The following HSF2 variants were observed in gnomAD, a reference collection of about 807,000 sequenced individuals.
HSF2 encodes the protein heat shock factor protein 2.
In HSF2, 21 loss-of-function variants were observed where a neutral mutation model predicts 65.0. The observed-to-expected ratio is 0.32, with a 90% confidence interval of 0.23 to 0.47. HSF2 has a LOEUF of 0.47. HSF2 is among the 20% of genes least tolerant of loss of function. HSF2 has a pLI of 1.00. For synonymous variants in HSF2, 225 were observed against 219.1 expected (o/e 1.03, Z -0.24); for missense variants, 499 against 628.1 (o/e 0.79, Z 2.20).
Position 122,404,697 on chromosome 6 carries a change from A to T in HSF2, c.93+4867A>T, listed in dbSNP as rs928672378. On this transcript the variant is annotated intron_variant, in intron 1 of 12. Transcript: ENST00000368455. ...GGTGCCTATCTTTCCCACCTCACTC[A>T]GTAGTAGTTTTCTCATCCTTGTAAA... Among the ~76,000 whole-genome samples, 7 of 152,210 alleles carry T rather than the reference A, an allele frequency of 4.6e-5. No homozygotes were observed. In the East Asian group the frequency reaches 9.6e-4, roughly 21 times the overall value.
chr6:122,428,060 A>G (rs1309779557), intron 11 of HSF2, 104 bp downstream of exon 11: 1 of 654,450 alleles, frequency 1.5e-6, no homozygotes, highest in East Asian at 2.9e-5. Context: ...AAAGCATTTT[A>G]TATTCTTACC....
At chr6:122,399,977 A>G (rs936372338) in intron 1 of HSF2, 147 bp downstream of exon 1, 1 of 665,576 alleles carries the variant, frequency 1.5e-6, no homozygotes, top group South Asian at 1.7e-5. Context: ...CTCGCGGGGG[A>G]CCCCCTGTAT....
At chr6:122,421,243 G>A (rs1270219627) in intron 7 of HSF2, among the ~76,000 whole-genome samples, 1 of 151,922 alleles carries the variant, frequency 6.6e-6, no homozygotes, top group Non-Finnish European at 1.5e-5. Context: ...CCAGTCCAAA[G>A]TCCAGATCTT....
At chr6:122,401,004 T>C (rs1381460825) in intron 1 of HSF2, among the ~76,000 whole-genome samples, 3 of 152,246 alleles carry the variant, frequency 2.0e-5, no homozygotes, top group African/African-American at 7.2e-5. Flanking sequence ...GTGAGCACCA[T>C]ATTAAGACCC....
intron 1 of HSF2, among the ~76,000 whole-genome samples, chr6:122,406,617 T>C (rs1773873493): frequency 6.6e-6 from 1 of 152,190 alleles, no homozygotes; most frequent in Non-Finnish European, 1.5e-5. Flanking sequence ...GCTGCAGGAT[T>C]TGCTGATAAA....
At chr6:122,423,008 T>C in intron 9 of HSF2, 51 bp downstream of exon 9, 2 of 1,590,016 alleles carry the variant, frequency 1.3e-6, no homozygotes, top group Non-Finnish European at 1.7e-6. Context: ...CTTTGTTCAC[T>C]TCACATGTTC....
chr6:122,406,843 A>T (rs1030653621), intron 1 of HSF2, among the ~76,000 whole-genome samples: 9 of 152,126 alleles, frequency 5.9e-5, no homozygotes, highest in Non-Finnish European at 1.3e-4. Flanking sequence ...ATATGGCCAC[A>T]CCTAATTTCA....
intron 1 of HSF2, among the ~76,000 whole-genome samples, chr6:122,403,865 A>C (rs1034632184): frequency 5.3e-5 from 8 of 152,226 alleles, no homozygotes; most frequent in Non-Finnish European, 1.0e-4. Context: ...GCTTGGAAGC[A>C]ACTGGTGAAA....
rs373361763 is a variant in HSF2, at chr6:122,425,286, C to G, written c.1176+1600C>G. Among the ~76,000 whole-genome samples the G allele has an allele frequency of 1.8e-4, 27 of 152,134 alleles. No individual in the cohort carries two copies. In the East Asian group the frequency reaches 2.1e-3, roughly 12 times the overall value. ...CTTTGTATTGTGTTGCTTATTAACT[C>G]AAACTCTGCACTGCCTGTGTTGTCT... On this transcript the variant is annotated intron_variant, in intron 10 of 12. Transcript: ENST00000368455.
chr6:122,400,607 C>G (rs533551779), intron 1 of HSF2, among the ~76,000 whole-genome samples: 1 of 152,134 alleles, frequency 6.6e-6, no homozygotes, highest in East Asian at 1.9e-4. Context: ...CAAGCATGAC[C>G]TTAGTCCAGC....
chr6:122,416,181 A>ATTTTT, intron 4 of HSF2, 40 bp from the exon 5 acceptor site: 1 of 1,198,386 alleles, frequency 8.3e-7, no homozygotes, highest in Non-Finnish European at 1.2e-6. Context: ...TTTTTGATTG[A>ATTTTT]TTTTTTTTTT....
intron 1 of HSF2, among the ~76,000 whole-genome samples, chr6:122,404,762 C>G (rs1773827007): frequency 6.6e-6 from 1 of 152,080 alleles, no homozygotes. Context: ...TTGAACCTCA[C>G]AGGTTTAAAA....
chr6:122,422,139 T>C lies in HSF2; in HGVS notation c.682-11T>C, dbSNP rs1582617731. The C allele has an allele frequency of 3.2e-6, 5 of 1,558,924 alleles. No homozygotes were observed. Among genetic ancestry groups the C allele is most frequent in the Admixed American group, 2.0e-5 (1 of 48,900 alleles). On this transcript the variant is annotated splice_polypyrimidine_tract_variant and intron_variant, in intron 7 of 12. Transcript: ENST00000368455. Reference sequence around the variant, plus strand: ...TGATTTTTAGATATATTTTTCTCTCTGAATTTTTAGGTTCCACACAGTAGG... The same window carrying C: ...TGATTTTTAGATATATTTTTCTCTCCGAATTTTTAGGTTCCACACAGTAGG...
chr6:122,403,379 G>A lies in HSF2; in HGVS notation c.93+3549G>A, dbSNP rs148001385. ...CCAGCACTTTGGGAGGCCAAGATGG[G>A]CAGGTTGCTTGAGCCCAGGAGTTTG... On this transcript the variant is annotated intron_variant, in intron 1 of 12. Coordinates refer to ENST00000368455, the MANE Select transcript of HSF2 (RefSeq NM_004506.4). Among the ~76,000 whole-genome samples, 4 of 152,276 alleles carry A rather than the reference G, an allele frequency of 2.6e-5. No homozygotes were observed. The East Asian group carries it at 7.7e-4, about 29-fold the overall frequency.
At position 122,432,292 on chromosome 6, in the gene HSF2, G is replaced by T; in HGVS notation, c.*72G>T. 1 of 1,316,000 alleles carries T rather than the reference G, an allele frequency of 7.6e-7. No individual in the cohort carries two copies. The allele number at this position is 1,316,000 out of a possible 1,614,324, so 81.5% of individuals were successfully genotyped here. A position where few individuals can be genotyped will look rare whatever the true frequency, so the allele number is the denominator to read the frequency against. On this transcript the variant is annotated 3_prime_UTR_variant, in exon 13 of 13. Transcript: ENST00000368455. ...AACTATTTATTTTAAAGTATCATTT[G>T]GTACTTTTTTTGTAAATTGCTTTGT...
intron 11 of HSF2, among the ~76,000 whole-genome samples, chr6:122,428,235 A>G (rs553117784): frequency 2.0e-5 from 3 of 152,148 alleles, no homozygotes; most frequent in South Asian, 4.2e-4. Flanking sequence ...ATTGAAACCA[A>G]TAACTAAAAT....
chr6:122,403,749 T>A (rs967003304), intron 1 of HSF2, among the ~76,000 whole-genome samples: 1 of 152,162 alleles, frequency 6.6e-6, no homozygotes, highest in African/African-American at 2.4e-5. Flanking sequence ...ATATAACTGT[T>A]CTTGGCTTTG....
chr6:122,406,830 G>A (rs905834899), intron 1 of HSF2, among the ~76,000 whole-genome samples: 5 of 152,058 alleles, frequency 3.3e-5, no homozygotes, highest in Non-Finnish European at 7.4e-5. Context: ...ACCATGCCTA[G>A]TCATATGGCC....
rs760415926 is a variant in HSF2 at position 122,420,118 on chromosome 6, ATTC to A, written c.594-12_594-10del. On this transcript the variant is annotated splice_polypyrimidine_tract_variant and intron_variant, in intron 6 of 12. Coordinates refer to ENST00000368455, the MANE Select transcript of HSF2 (RefSeq NM_004506.4). ...GTATGTTTGCTTCACTGAACTGCAT[ATTC>A]TTCTGGTTTTCAGGCCTCTACTTCT... 21 of 1,597,088 alleles carry A rather than the reference ATTC, an allele frequency of 1.3e-5. 1 individual carries two copies. The highest frequency in any genetic ancestry group is 1.7e-4 in the Middle Eastern group (1 of 5,968).
Sources: gnomAD v4.1 joint callset for allele counts (sites outside exome capture counted in the v4.1 genomes callset) on GRCh38, gnomAD v4.1.1 for gene constraint, MANE v1.5 for transcripts, NCBI Gene and HGNC (gene_info 2026-07-23, HGNC 2026-07-21) for gene names.